The following DNA2 variants were observed in gnomAD, a reference collection of about 807,000 sequenced individuals.
The protein encoded by DNA2 is DNA replication helicase/nuclease 2.
In DNA2, 101 loss-of-function variants were observed where a neutral mutation model predicts 119.1. The observed-to-expected ratio is 0.85, with a 90% CI of 0.72 to 1.00. The LOEUF (loss-of-function observed/expected upper bound fraction) is 1.00, where lower values mean the gene tolerates loss of function less well. DNA2 is among the 50% of genes least tolerant of loss of function. The probability of loss-of-function intolerance (pLI) is 0.00; values close to 1 mark genes in which losing one functional copy is unlikely to be tolerated. For missense variants in DNA2, 1,121 were observed against 1,255.5 expected (o/e 0.89, Z 1.62); for synonymous variants, 366 against 424.4 (o/e 0.86, Z 1.69).
At chr10:68,470,750 T>C (rs902752793) in intron 1 of DNA2, 1 of 331,434 alleles carries the variant, frequency 3.0e-6, no homozygotes, top group Non-Finnish European at 5.9e-6. Flanking sequence ...ATGAGACTTA[T>C]GTTACGGAAA....
intron 8 of DNA2, among the ~76,000 whole-genome samples, chr10:68,443,720 G>A (rs887403246): frequency 3.3e-5 from 5 of 152,084 alleles, no homozygotes; most frequent in South Asian, 2.1e-4. Flanking sequence ...AGGCCAAGGC[G>A]GGTGGATTGA....
At chr10:68,469,931 G>T (rs148540786) in intron 2 of DNA2, 50 bp downstream of exon 2, 1 of 1,521,194 alleles carries the variant, frequency 6.6e-7, no homozygotes, top group South Asian at 1.3e-5. Flanking sequence ...TGAGTTTTAC[G>T]ACAGTACCCT....
intron 2 of DNA2, among the ~76,000 whole-genome samples, chr10:68,469,284 G>A (rs977377706): frequency 6.6e-6 from 1 of 151,132 alleles, no homozygotes; most frequent in Non-Finnish European, 1.5e-5. Flanking sequence ...GGTGGCTCAC[G>A]CCTGTAATCC....
rs534740403 is a variant in DNA2 at position 68,422,302 on chromosome 10, C to T, written c.2620G>A (p.Ala874Thr). Residue 874 changes from alanine to threonine, a missense_variant, in exon 17 of 21, where the codon GCT becomes ACT. Ala to Thr is a moderately conservative substitution (Grantham distance 58). Coordinates refer to ENST00000358410, the MANE Select transcript of DNA2 (RefSeq NM_001080449.3). The stretch of plus-strand genomic sequence containing the variant: ...AACCAAGGATTATCAGAATAGTCAG[C>T]ATAAAATTCCAGTTCCAGCTTCACA... ...KDVKLELEFY[A>T]DYSDNPWLMG... The T allele has an allele frequency of 1.2e-5, 20 of 1,613,784 alleles. No homozygotes were observed. In the African/African-American group the frequency reaches 2.0e-4, roughly 16 times the overall value.
intron 14 of DNA2, among the ~76,000 whole-genome samples, chr10:68,428,320 C>A (rs567345666): frequency 9.9e-5 from 15 of 152,088 alleles, no homozygotes; most frequent in African/African-American, 3.1e-4. Context: ...AGCGAGACTC[C>A]GTCTCAAAAT....
chr10:68,447,730 T>C (rs1486070041), intron 6 of DNA2, among the ~76,000 whole-genome samples: 2 of 151,402 alleles, frequency 1.3e-5, no homozygotes, highest in Admixed American at 1.3e-4. Context: ...ACGCCTGTAA[T>C]CCCAGCACTT....
At position 68,454,500 on chromosome 10, in the gene DNA2, C is replaced by G. The variant is rs184614703; in HGVS notation, c.720-4253G>C. Among the ~76,000 whole-genome samples the G allele has an allele frequency of 1.3e-3, 190 of 151,992 alleles. 1 individual carries two copies. The highest frequency in any genetic ancestry group is 1.3e-3 in the Non-Finnish European group (85 of 67,952). ...CCAAAAAAACTACAAAAATAGATAT[C>G]TACCGTAATTTAAAATGTCAAGCAG... On this transcript the variant is annotated intron_variant, in intron 5 of 20. Transcript: ENST00000358410.
rs952356679 is a variant in DNA2 at position 68,440,003 on chromosome 10, C to CA, written c.1416-2763dup. Among the ~76,000 whole-genome samples, 40 of 146,346 alleles carry CA rather than the reference C, an allele frequency of 2.7e-4. No individual in the cohort carries two copies. In the East Asian group the frequency reaches 4.0e-3, roughly 14 times the overall value. ...TGGGCGACTGAGCAAGATTCCATCT[C>CA]AAAAAAAAAAATTTTTTTGGCTGGG... On this transcript the variant is annotated intron_variant, in intron 9 of 20. Coordinates refer to ENST00000358410, the MANE Select transcript of DNA2 (RefSeq NM_001080449.3).
chr10:68,436,538 CTCAAT>C (rs2051890408), intron 10 of DNA2, among the ~76,000 whole-genome samples: 1 of 152,106 alleles, frequency 6.6e-6, no homozygotes, highest in Admixed American at 6.6e-5. Context: ...CTAAACGCCA[CTCAAT>C]TATACACATT....
intron 14 of DNA2, chr10:68,425,002 A>G: frequency 1.8e-6 from 1 of 550,582 alleles, no homozygotes; most frequent in East Asian, 3.8e-5. Context: ...GAATAAATAT[A>G]ACCTGTTGTG....
chr10:68,449,543 G>A (rs2052089867), intron 6 of DNA2, among the ~76,000 whole-genome samples: 1 of 152,132 alleles, frequency 6.6e-6, no homozygotes, highest in Non-Finnish European at 1.5e-5. Flanking sequence ...TTGGGAGGCC[G>A]AGGTGGGAGT....
rs376740631 is a variant in DNA2, at chr10:68,465,781, A to G, written c.473T>C (p.Ile158Thr). ...AAACACCTCATGGAGAACCGTACCA[A>G]TTAGCATTTGGCGTGTGGCTGGATC... is the stretch of plus-strand genomic sequence containing the variant. ...SSDPATRQML[I>T]GTVLHEVFQK... The change falls in exon 4 of 21, where the codon ATT becomes ACT. Residue 158 changes from isoleucine (I) to threonine (T), a missense_variant. Ile to Thr is a moderately conservative substitution (Grantham distance 89). Transcript: ENST00000358410. The G allele has an allele frequency of 6.3e-7, 1 of 1,596,238 alleles. No individual in the cohort carries two copies. Among genetic ancestry groups the G allele is most frequent in the Non-Finnish European group, 8.5e-7 (1 of 1,171,818 alleles).
In DNA2 at chr10:68,459,126, A is replaced by T; in HGVS notation, c.697T>A (p.Phe233Ile). Residue 233 changes from phenylalanine to isoleucine, a missense_variant, in exon 5 of 21, where the codon TTC becomes ATC. Physicochemically the swap from Phe to Ile is conservative, Grantham distance 21 (BLOSUM62 0). Coordinates refer to ENST00000358410, the MANE Select transcript of DNA2 (RefSeq NM_001080449.3). ...TACAGAGAGAGCTGCATCTGAGGGA[A>T]GTCAGTCGAAGTGTTTTTATGCATG... ...DFMHKNTSTD[F>I]PQMQLSLPSD... The T allele has an allele frequency of 6.3e-7, 1 of 1,599,958 alleles. No individual in the cohort carries two copies. Among genetic ancestry groups the T allele is most frequent in the Non-Finnish European group, 8.5e-7 (1 of 1,172,624 alleles).
chr10:68,444,785 G>T, intron 8 of DNA2, 136 bp downstream of exon 8: 493 of 395,558 alleles, frequency 1.2e-3, no homozygotes, highest in Non-Finnish European at 1.6e-3. Flanking sequence ...CTTAATTTTA[G>T]AAATAATACG....
intron 1 of DNA2, among the ~76,000 whole-genome samples, chr10:68,471,303 T>C (rs1310682079): frequency 6.6e-6 from 1 of 152,234 alleles, no homozygotes; most frequent in East Asian, 1.9e-4. Flanking sequence ...AAGGTATTGC[T>C]GATCAAAAGC....
chr10:68,471,115 CA>C (rs1489504079), intron 1 of DNA2, among the ~76,000 whole-genome samples: 2 of 152,160 alleles, frequency 1.3e-5, no homozygotes, highest in East Asian at 3.9e-4. Context: ...AAGGAGGGTC[CA>C]AAGTCATTAC....
rs867213146 is a variant in DNA2 at position 68,443,836 on chromosome 10, A to G, written c.1221-725T>C. ...TGTGGTGGCGGATGCCTGTAGTCCC[A>G]GCTACTCGAGAGGCTGAGGCAGGAG... On this transcript the variant is annotated intron_variant, in intron 8 of 20. Transcript: ENST00000358410. Among the ~76,000 whole-genome samples, 94 of 152,182 alleles carry G rather than the reference A, an allele frequency of 6.2e-4. 2 individuals carry two copies. The highest frequency in any genetic ancestry group is 6.8e-3 in the Middle Eastern group (2 of 294).
At chr10:68,460,048 C>T (rs2052235787) in intron 4 of DNA2, among the ~76,000 whole-genome samples, 1 of 151,184 alleles carries the variant, frequency 6.6e-6, no homozygotes, top group African/African-American at 2.4e-5. Flanking sequence ...CACACACACA[C>T]ACACACACAC....
chr10:68,430,011 G>C (rs189664822), intron 14 of DNA2, among the ~76,000 whole-genome samples: 6 of 150,672 alleles, frequency 4.0e-5, no homozygotes, highest in Admixed American at 3.3e-4. Flanking sequence ...AGCCTCCCAA[G>C]TAGCTGGAAT....
Sources: allele counts gnomAD v4.1 joint callset (sites outside exome capture counted in the v4.1 genomes callset), GRCh38; gene constraint gnomAD v4.1.1; transcripts MANE v1.5; gene names NCBI Gene and HGNC (gene_info 2026-07-23, HGNC 2026-07-21).